Variants in SCARF2 observed in about 807,000 individuals in gnomAD.
SCARF2 encodes scavenger receptor expressed by endothelial cells 2 protein.
SCARF2 carries 39 observed loss-of-function variants against 73.4 expected under a neutral mutation model. The ratio of observed to expected loss-of-function variants is 0.53; its 90% CI spans 0.41 to 0.69. The LOEUF is 0.69. Ranked by LOEUF, SCARF2 falls within the 30% of genes least tolerant of loss-of-function variation. The probability of loss-of-function intolerance (pLI) is 0.00; values close to 1 mark genes in which losing one functional copy is unlikely to be tolerated. For synonymous variants in SCARF2, 605 were observed against 590.0 expected (o/e 1.03, Z -0.37); for missense variants, 1,148 against 1,303.5 (o/e 0.88, Z 1.84).
At position 20,426,050 on chromosome 22, in the gene SCARF2, G is replaced by T; in HGVS notation, c.1926C>A (p.Gly642=). 1 of 1,573,082 alleles carries T rather than the reference G, an allele frequency of 6.4e-7. No homozygotes were observed. The highest frequency in any genetic ancestry group is 1.1e-5 in the South Asian group (1 of 87,954). Residue 642 remains glycine, a synonymous_variant, in exon 11 of 11, where the codon GGC becomes GGA. Coordinates refer to ENST00000622235, the MANE Select transcript of SCARF2 (RefSeq NM_182895.5). The stretch of plus-strand genomic sequence containing the variant: ...GCTCGGGCGATGGCGACAGCGACAG[G>T]CCCCCAATCTCGCCCCGGGCCCGGG... The part of the protein sequence containing the change: ...RPARARGEIG[G]LSLSPSPERR...
chr22:20,427,368 G>A (rs2052590516), intron 10 of SCARF2, 30 bp downstream of exon 10: 1 of 1,612,896 alleles, frequency 6.2e-7, no homozygotes, highest in Non-Finnish European at 8.5e-7. Context: ...TCACTGGGCT[G>A]GAGTGATGCC....
chr22:20,437,122 G>C (rs1167738127), intron 1 of SCARF2, among the ~76,000 whole-genome samples: 1 of 152,072 alleles, frequency 6.6e-6, no homozygotes, highest in Non-Finnish European at 1.5e-5. Flanking sequence ...TCCAAGTCTG[G>C]CTTGCTCCAG....
chr22:20,429,382 G>T lies in SCARF2; in HGVS notation c.1425-42C>A, dbSNP rs780813196. ...TGAGCGGAGGGGCGGGGCCGGGGCGGGGCCCAGGGGCGATTAGATCTCGGC... is the reference window on the plus strand; with the variant it reads ...TGAGCGGAGGGGCGGGGCCGGGGCGTGGCCCAGGGGCGATTAGATCTCGGC... On this transcript the variant is annotated intron_variant, in intron 8 of 10. Coordinates refer to ENST00000622235, the MANE Select transcript of SCARF2 (RefSeq NM_182895.5). The surrounding 1 kb of genome is among the most constrained non-coding windows in gnomAD (Gnocchi z 5.2). The T allele has an allele frequency of 1.9e-6, 3 of 1,561,222 alleles. No individual in the cohort carries two copies. In the East Asian group the frequency reaches 7.1e-5, roughly 37 times the overall value.
chr22:20,431,709 C>T (rs1050365920), intron 3 of SCARF2, 36 bp downstream of exon 3: 1 of 1,543,224 alleles, frequency 6.5e-7, no homozygotes, highest in Non-Finnish European at 8.8e-7. Flanking sequence ...CAGGATTCCG[C>T]CCCACCGACC....
At position 20,430,343 on chromosome 22, in the gene SCARF2, C is replaced by A. The variant is rs73156937; in HGVS notation, c.1202+86G>T. The stretch of plus-strand genomic sequence containing the variant: ...CCAAGGCTGAGGTGATAACCCAGCT[C>A]AGGGTGGAGAGGCCACCTCGTCGGC... On this transcript the variant is annotated intron_variant, in intron 6 of 10. Coordinates refer to ENST00000622235, the MANE Select transcript of SCARF2 (RefSeq NM_182895.5). 0.18 allele frequency: 266,077 copies of A among 1,474,916 alleles called. 24,964 individuals carry two copies. The highest frequency in any genetic ancestry group is 0.23 in the East Asian group (9,466 of 40,314). 91.4% of individuals were successfully genotyped at this position (1,474,916 alleles called of 1,614,324 possible). A position where few individuals can be genotyped will look rare whatever the true frequency, so the allele number is the denominator to read the frequency against.
In SCARF2 at chr22:20,427,459, C is replaced by G; in HGVS notation, c.1632G>C (p.Arg544=). The change falls in exon 10 of 11, where the codon CGG becomes CGC. Residue 544 remains arginine (R), a synonymous_variant. Transcript: ENST00000622235. ...LEQPSPSWSS[R]ASFSSFDTTD... is the part of the protein sequence containing the mutation. ...TGGTGTCAAACGAGGAGAAGGAGGC[C>G]CGAGAGGACCAGGATGGTGAGGGCT... 1 of 1,614,150 alleles carries G rather than the reference C, an allele frequency of 6.2e-7. No homozygotes were observed. The highest frequency in any genetic ancestry group is 1.7e-5 in the Admixed American group (1 of 60,028).
rs1461331945 is a variant in SCARF2, at chr22:20,425,527, G to A, written c.2449C>T (p.Pro817Ser). 7.4e-6 allele frequency: 10 copies of A among 1,347,258 alleles called. No individual in the cohort carries two copies. Among genetic ancestry groups the A allele is most frequent in the Non-Finnish European group, 9.5e-6 (10 of 1,052,486 alleles). 83.5% of individuals were successfully genotyped at this position (1,347,258 alleles called of 1,614,324 possible). The change falls in exon 11 of 11, where the codon CCA (proline) becomes TCA (serine). Residue 817 changes from proline (P) to serine (S), a missense_variant. Pro to Ser is a moderately conservative substitution (Grantham distance 74, BLOSUM62 -1). Around this residue, in one of 5 missense-constraint regions of SCARF2, gnomAD observed 169 missense variants for 136.9 expected, o/e 1.23. Transcript: ENST00000622235. The surrounding 1 kb of genome is among the most constrained non-coding windows in gnomAD (Gnocchi z 4.6). ...TCAGGCCCCGGGGTTTCGGTCGCTG[G>A]GGGCGCGCGGGCGGGCGAGGCTGGC... is the stretch of plus-strand genomic sequence containing the variant. ...VPPASPARAP[P>S]ATETPGPEKA...
At chr22:20,432,471 C>T (rs2052660209) in intron 1 of SCARF2, among the ~76,000 whole-genome samples, 1 of 152,122 alleles carries the variant, frequency 6.6e-6, no homozygotes, top group Admixed American at 6.5e-5. Context: ...CACCTAGATG[C>T]CCAGTTGGGG....
chr22:20,429,404 C>G lies in SCARF2; in HGVS notation c.1425-64G>C. On this transcript the variant is annotated intron_variant, in intron 8 of 10. Transcript: ENST00000622235. The surrounding 1 kb of genome is among the most constrained non-coding windows in gnomAD (Gnocchi z 5.2). ...GCGGGGCCCAGGGGCGATTAGATCT[C>G]GGCCGGAGCCAAGCACAGAAGGGGC... The G allele has an allele frequency of 5.8e-6, 9 of 1,555,342 alleles. No individual in the cohort carries two copies. Among genetic ancestry groups the G allele is most frequent in the South Asian group, 1.2e-5 (1 of 85,714 alleles).
Position 20,426,216 on chromosome 22 carries a change from G to C in SCARF2, c.1760C>G (p.Pro587Arg). 6.5e-7 allele frequency: 1 copy of C among 1,532,514 alleles called. No individual in the cohort carries two copies. The highest frequency in any genetic ancestry group is 1.2e-5 in the South Asian group (1 of 83,474). The allele number at this position is 1,532,514 out of a possible 1,614,324, so 94.9% of individuals were successfully genotyped here. The change falls in exon 11 of 11, where the codon CCT (proline) becomes CGT (arginine). Residue 587 changes from proline to arginine, a missense_variant. This residue lies in a region of SCARF2 where 437 missense variants were observed against 433.6 expected (regional missense o/e 1.01). Transcript: ENST00000622235. ...GGAGGCTGGCGTGGTCAAGGGCACA[G>C]GGGACGGCGCCGGCGCCTCGGCAGG... Reference protein sequence around the residue: ...TVPAEAPAPSPVPLTTPASAE... With the variant: ...TVPAEAPAPSRVPLTTPASAE...
Position 20,429,918 on chromosome 22 carries a change from AG to A in SCARF2, c.1203-86del. On this transcript the variant is annotated intron_variant, in intron 6 of 10. Transcript: ENST00000622235. The surrounding 1 kb of genome is among the most constrained non-coding windows in gnomAD (Gnocchi z 5.2). ...CACCCCTCACCCGCGGCCAGGGCCC[AG>A]GGTCCAGGGTCCCAGAACCGGGCTC... The A allele has an allele frequency of 7.5e-7, 1 of 1,335,156 alleles. No individual in the cohort carries two copies. The highest frequency in any genetic ancestry group is 1.0e-6 in the Non-Finnish European group (1 of 963,004). 82.7% of individuals were successfully genotyped at this position (1,335,156 alleles called of 1,614,324 possible).
Position 20,425,633 on chromosome 22 carries a change from C to T in SCARF2, c.2343G>A (p.Leu781=), listed in dbSNP as rs1356617184. The change falls in exon 11 of 11, where the codon CTG becomes CTA. Residue 781 remains leucine, a synonymous_variant. Transcript: ENST00000622235. This position sits in a 1 kb window ranked among gnomAD's most constrained non-coding sequence, Gnocchi z 4.6. ...CGCCCAGGGCCACCTCGGCGCGGCC[C>T]AGGCTGCGAGTCTTGCCGCGCAGCT... ...AAELRGKTRS[L]GRAEVALGAQ... 29 of 1,307,622 alleles carry T rather than the reference C, an allele frequency of 2.2e-5. No homozygotes were observed. The highest frequency in any genetic ancestry group is 1.9e-6 in the Non-Finnish European group (2 of 1,030,534). The allele number at this position is 1,307,622 out of a possible 1,614,324, so 81.0% of individuals were successfully genotyped here.
Position 20,425,322 on chromosome 22 carries a change from G to A in SCARF2, c.*53C>T. The A allele has an allele frequency of 7.6e-7, 1 of 1,308,010 alleles. No individual in the cohort carries two copies. Among genetic ancestry groups the A allele is most frequent in the Non-Finnish European group, 9.8e-7 (1 of 1,018,256 alleles). 81.0% of individuals were successfully genotyped at this position (1,308,010 alleles called of 1,614,324 possible). ...CCCGGTAGCGTGGGAGGTGTGGGGTGGCGGGCGGCGCTGCGAAGCTGAGGG... is the reference window on the plus strand; with the variant it reads ...CCCGGTAGCGTGGGAGGTGTGGGGTAGCGGGCGGCGCTGCGAAGCTGAGGG... On this transcript the variant is annotated 3_prime_UTR_variant, in exon 11 of 11. Transcript: ENST00000622235. This position sits in a 1 kb window ranked among gnomAD's most constrained non-coding sequence, Gnocchi z 4.6.
At position 20,425,513 on chromosome 22, in the gene SCARF2, G is replaced by A. The variant is rs757848712; in HGVS notation, c.2463C>T (p.Thr821=). Residue 821 remains threonine (T), a synonymous_variant, in exon 11 of 11, where the codon ACC becomes ACT. Transcript: ENST00000622235. The surrounding 1 kb of genome is among the most constrained non-coding windows in gnomAD (Gnocchi z 4.6). ...SPARAPPATE[T]PGPEKAATDL... is the part of the protein sequence containing the mutation. ...CGGTCGCCGCCTTCTCAGGCCCCGGGGTTTCGGTCGCTGGGGGCGCGCGGG... is the reference window on the plus strand; with the variant it reads ...CGGTCGCCGCCTTCTCAGGCCCCGGAGTTTCGGTCGCTGGGGGCGCGCGGG... 1.5e-6 allele frequency: 2 copies of A among 1,354,008 alleles called. No homozygotes were observed. The highest frequency in any genetic ancestry group is 3.7e-5 in the South Asian group (2 of 54,512). The allele number at this position is 1,354,008 out of a possible 1,614,324, so 83.9% of individuals were successfully genotyped here.
At position 20,429,379 on chromosome 22, in the gene SCARF2, GC is replaced by G; in HGVS notation, c.1425-40del. ...GTCTGAGCGGAGGGGCGGGGCCGGG[GC>G]GGGGCCCAGGGGCGATTAGATCTCG... On this transcript the variant is annotated intron_variant, in intron 8 of 10. Coordinates refer to ENST00000622235, the MANE Select transcript of SCARF2 (RefSeq NM_182895.5). The surrounding 1 kb of genome is among the most constrained non-coding windows in gnomAD (Gnocchi z 5.2). 6.4e-7 allele frequency: 1 copy of G among 1,567,020 alleles called. No homozygotes were observed. Among genetic ancestry groups the G allele is most frequent in the Middle Eastern group, 2.0e-4 (1 of 4,954 alleles).
chr22:20,425,459 C>A lies in SCARF2; in HGVS notation c.2517G>T (p.Lys839Asn). The change falls in exon 11 of 11, where the codon AAG (lysine) becomes AAT (asparagine). Residue 839 changes from lysine to asparagine, a missense_variant. By Grantham distance (94) the Lys-to-Asn change is moderately conservative. Transcript: ENST00000622235. The surrounding 1 kb of genome is among the most constrained non-coding windows in gnomAD (Gnocchi z 4.6). Reference sequence around the variant, plus strand: ...GCGGCGGCTTCTGGATGGGGGTCTTCTTCCGGGGGGTCTCAGGCGCGGGCA... The same window carrying A: ...GCGGCGGCTTCTGGATGGGGGTCTTATTCCGGGGGGTCTCAGGCGCGGGCA... ...TDLPAPETPR[K>N]KTPIQKPPRK... 1 of 1,413,822 alleles carries A rather than the reference C, an allele frequency of 7.1e-7. No individual in the cohort carries two copies. Among genetic ancestry groups the A allele is most frequent in the Non-Finnish European group, 9.2e-7 (1 of 1,082,288 alleles). 87.6% of individuals were successfully genotyped at this position (1,413,822 alleles called of 1,614,324 possible).
chr22:20,435,416 T>G (rs1458606791), intron 1 of SCARF2, among the ~76,000 whole-genome samples: 1 of 152,146 alleles, frequency 6.6e-6, no homozygotes, highest in East Asian at 1.9e-4. Context: ...GTTTGCCACC[T>G]GGCAGCCAAT....
At chr22:20,434,153 C>T (rs1371240017) in intron 1 of SCARF2, among the ~76,000 whole-genome samples, 1 of 152,056 alleles carries the variant, frequency 6.6e-6, no homozygotes, top group East Asian at 1.9e-4. Flanking sequence ...TTTTGCCGGG[C>T]GTGCTGGCAT....
chr22:20,433,041 T>C (rs2052664936), intron 1 of SCARF2, among the ~76,000 whole-genome samples: 1 of 152,206 alleles, frequency 6.6e-6, no homozygotes, highest in South Asian at 2.1e-4. Flanking sequence ...GTCTTCCACT[T>C]GTTCCATTTG....
Sources: gnomAD v4.1 joint callset for allele counts (sites outside exome capture counted in the v4.1 genomes callset) on GRCh38, gnomAD v4.1.1 for gene constraint, gnomAD v4.1.1 regional missense constraint, Gnocchi (gnomAD v3.1) non-coding constraint, MANE v1.5 for transcripts, NCBI Gene and HGNC (gene_info 2026-07-23, HGNC 2026-07-21) for gene names.